Variants in ITGBL1 observed in about 807,000 individuals in gnomAD.
The protein encoded by ITGBL1 is integrin beta-like protein 1.
In ITGBL1, 51 loss-of-function variants were observed where a neutral mutation model predicts 68.5. That is an observed-to-expected ratio of 0.74 (90% confidence interval 0.59 to 0.94). ITGBL1 has a LOEUF of 0.94. Among genes scored for constraint, ITGBL1 ranks in the 40% least tolerant of loss-of-function variants. The pLI is 0.00. For missense variants in ITGBL1, 649 were observed against 647.4 expected, an observed-to-expected ratio of 1.00 and a Z score of -0.03; for synonymous variants, 209 against 227.3, an observed-to-expected ratio of 0.92 and a Z score of 0.72.
intron 2 of ITGBL1, among the ~76,000 whole-genome samples, chr13:101,491,624 T>C (rs2048778543): frequency 6.7e-6 from 1 of 149,588 alleles, no homozygotes; most frequent in African/African-American, 2.6e-5. Flanking sequence ...TTTCTTTTTC[T>C]TTATTTTTTT....
At chr13:101,490,043 G>A in intron 2 of ITGBL1, 1 of 1,173,210 alleles carries the variant, frequency 8.5e-7, no homozygotes, top group Non-Finnish European at 1.2e-6. Context: ...ATTTTGTTAT[G>A]GACTGAATAT....
At chr13:101,477,399 A>G (rs1167301604) in intron 2 of ITGBL1, among the ~76,000 whole-genome samples, 1 of 152,074 alleles carries the variant, frequency 6.6e-6, no homozygotes, top group African/African-American at 2.4e-5. Flanking sequence ...AAAACTTCAA[A>G]TAAACAACCT....
intron 8 of ITGBL1, among the ~76,000 whole-genome samples, chr13:101,705,726 C>G (rs1390360252): frequency 6.6e-6 from 1 of 152,152 alleles, no homozygotes; most frequent in Non-Finnish European, 1.5e-5. Flanking sequence ...AAGGTTCACT[C>G]CTGAGGGTCC....
chr13:101,481,000 ATATG>A (rs781431103), intron 2 of ITGBL1, among the ~76,000 whole-genome samples: 7 of 128,124 alleles, frequency 5.5e-5, no homozygotes, highest in Non-Finnish European at 8.1e-5. Flanking sequence ...ATGCCAAAAG[ATATG>A]TGTGTGTGTG....
chr13:101,657,377 G>A (rs1214724239), intron 7 of ITGBL1, among the ~76,000 whole-genome samples: 1 of 152,106 alleles, frequency 6.6e-6, no homozygotes, highest in East Asian at 1.9e-4. Flanking sequence ...TGATATGCTA[G>A]CTTTAGGTAA....
chr13:101,650,043 AAG>A (rs752732738), intron 7 of ITGBL1, among the ~76,000 whole-genome samples: 1 of 151,906 alleles, frequency 6.6e-6, no homozygotes, highest in Admixed American at 6.6e-5. Flanking sequence ...GAATAAAAGC[AAG>A]AGAGAGAGAG....
At chr13:101,632,442 A>C (rs2032017842) in intron 7 of ITGBL1, among the ~76,000 whole-genome samples, 1 of 152,206 alleles carries the variant, frequency 6.6e-6, no homozygotes, top group Non-Finnish European at 1.5e-5. Context: ...CAGAACTCTC[A>C]TACATTGCTG....
At chr13:101,709,922 A>G (rs768397536) in intron 9 of ITGBL1, among the ~76,000 whole-genome samples, 10 of 152,380 alleles carry the variant, frequency 6.6e-5, no homozygotes, top group Middle Eastern at 6.8e-3. Context: ...GAAAATAAAT[A>G]TGCTTATGAA....
chr13:101,604,333 C>T (rs1166810814), intron 7 of ITGBL1, among the ~76,000 whole-genome samples: 1 of 151,812 alleles, frequency 6.6e-6, no homozygotes, highest in Non-Finnish European at 1.5e-5. Flanking sequence ...TATTTAGCTA[C>T]CATTTTTTAA....
chr13:101,535,402 A>G (rs1173580681), intron 2 of ITGBL1, among the ~76,000 whole-genome samples: 1 of 152,072 alleles, frequency 6.6e-6, no homozygotes, highest in Admixed American at 6.6e-5. Flanking sequence ...GCTAGACCTT[A>G]TAGTTAGAGA....
chr13:101,689,211 T>TAAAAAAAAAAAAAA lies in ITGBL1; in HGVS notation c.1016-3365_1016-3352dup, dbSNP rs34627046. ...CCTGGGGACAGAGCAAGACTCTGCC[T>TAAAAAAAAAAAAAA]AAAAAAAAAAAAAAAAAAAAAATTA... On this transcript the variant is annotated intron_variant, in intron 7 of 10. Transcript: ENST00000376180. Among the ~76,000 whole-genome samples, 64 of 74,860 alleles carry TAAAAAAAAAAAAAA rather than the reference T, an allele frequency of 8.5e-4. 1 individual carries two copies. The highest frequency in any genetic ancestry group is 1.8e-3 in the South Asian group (2 of 1,102). The allele number at this position is 74,860 out of a possible 152,430, so 49.1% of individuals were successfully genotyped here. A position where few individuals can be genotyped will look rare whatever the true frequency, so the allele number is the denominator to read the frequency against.
chr13:101,604,887 T>TATATGTATATATATATACACAC, intron 7 of ITGBL1, among the ~76,000 whole-genome samples: 3 of 22,164 alleles, frequency 1.4e-4, no homozygotes, highest in Non-Finnish European at 2.5e-4. Context: ...TATATATATA[T>TATATGTATATATATATACACAC]ACACACACAC....
chr13:101,527,175 T>C (rs1248198241), intron 2 of ITGBL1, among the ~76,000 whole-genome samples: 1 of 152,120 alleles, frequency 6.6e-6, no homozygotes, highest in Non-Finnish European at 1.5e-5. Context: ...TACATGCATG[T>C]TTGATTCTAA....
intron 8 of ITGBL1, among the ~76,000 whole-genome samples, chr13:101,704,741 A>G (rs1594995225): frequency 6.6e-6 from 1 of 152,332 alleles, no homozygotes; most frequent in East Asian, 1.9e-4. Context: ...CATTGGAATC[A>G]GAGGAACTAG....
intron 7 of ITGBL1, among the ~76,000 whole-genome samples, chr13:101,655,580 T>C (rs569116235): frequency 1.3e-5 from 2 of 152,084 alleles, no homozygotes; most frequent in South Asian, 4.2e-4. Flanking sequence ...TTCTATTATT[T>C]CTGTGTGTAA....
At chr13:101,612,790 C>T (rs943593406) in intron 7 of ITGBL1, among the ~76,000 whole-genome samples, 1 of 152,088 alleles carries the variant, frequency 6.6e-6, no homozygotes. Context: ...CACCCCTGCT[C>T]ATCTATTCAT....
chr13:101,500,926 C>T (rs1419738887), intron 2 of ITGBL1, among the ~76,000 whole-genome samples: 1 of 152,188 alleles, frequency 6.6e-6, no homozygotes. Context: ...AACTTCATTA[C>T]CTAGCTGAAT....
chr13:101,466,416 A>T (rs1252603499), intron 2 of ITGBL1, among the ~76,000 whole-genome samples: 1 of 152,182 alleles, frequency 6.6e-6, no homozygotes, highest in Non-Finnish European at 1.5e-5. Flanking sequence ...GATTCACTTC[A>T]TGAACACACA....
intron 7 of ITGBL1, among the ~76,000 whole-genome samples, chr13:101,613,970 T>C: frequency 7.0e-6 from 1 of 143,766 alleles, no homozygotes; most frequent in Non-Finnish European, 1.5e-5. Context: ...GCTTAAAAGT[T>C]GCACAAAACT....
Sources: allele counts gnomAD v4.1 joint callset (sites outside exome capture counted in the v4.1 genomes callset), GRCh38; gene constraint gnomAD v4.1.1; transcripts MANE v1.5; gene names NCBI Gene and HGNC (gene_info 2026-07-23, HGNC 2026-07-21).